TCF12: variants seen among roughly 807,000 people sequenced by gnomAD.
TCF12 encodes DNA-binding protein HTF4.
A neutral mutation model predicts 86.0 loss-of-function variants in TCF12; 45 were observed. The observed-to-expected ratio is 0.52, with a 90% CI of 0.41 to 0.67. The LOEUF (loss-of-function observed/expected upper bound fraction) is 0.67. TCF12 is among the 30% of genes least tolerant of loss of function. The pLI is 0.00. For missense variants in TCF12, 881 were observed against 859.9 expected (o/e 1.02, Z -0.31); for synonymous variants, 330 against 299.6 (o/e 1.10, Z -1.05).
At position 56,949,286 on chromosome 15, in the gene TCF12, A is replaced by C. The variant is rs186975270; in HGVS notation, c.148+28188A>C. On this transcript the variant is annotated intron_variant, in intron 3 of 20. Coordinates refer to ENST00000333725, the MANE Select transcript of TCF12 (RefSeq NM_207037.2). ...ATGTGCAGTTTTATCCCAGTAATTA[A>C]AAAAAGTTACCAAAAGCATGACAGT... is the stretch of plus-strand genomic sequence containing the variant. Among the ~76,000 whole-genome samples the C allele has an allele frequency of 2.0e-5, 3 of 152,348 alleles. No homozygotes were observed. The East Asian group carries it at 5.8e-4, about 29-fold the overall frequency.
At chr15:56,950,132 GTCC>G (rs2061199912) in intron 3 of TCF12, among the ~76,000 whole-genome samples, 1 of 152,094 alleles carries the variant, frequency 6.6e-6, no homozygotes, top group Non-Finnish European at 1.5e-5. Context: ...CCTCCTCTCT[GTCC>G]TCCTTCACAC....
intron 3 of TCF12, among the ~76,000 whole-genome samples, chr15:57,061,276 C>T (rs1375985395): frequency 2.0e-5 from 3 of 152,100 alleles, no homozygotes; most frequent in Non-Finnish European, 2.9e-5. Flanking sequence ...TTTCCTCTCT[C>T]TCTGTTTTTA....
intron 3 of TCF12, among the ~76,000 whole-genome samples, chr15:56,942,505 G>T (rs1485667020): frequency 1.3e-5 from 2 of 152,146 alleles, no homozygotes. Flanking sequence ...TGCCAGTTTG[G>T]AGTTTTTCAG....
chr15:57,140,349 G>A (rs545643036), intron 5 of TCF12, among the ~76,000 whole-genome samples: 73 of 152,294 alleles, frequency 4.8e-4, no homozygotes, highest in Admixed American at 5.9e-4. Context: ...TTCCATTTCT[G>A]TGAAGTACCT....
At chr15:57,000,850 T>A (rs1354420190) in intron 3 of TCF12, among the ~76,000 whole-genome samples, 1 of 152,070 alleles carries the variant, frequency 6.6e-6, no homozygotes, top group Admixed American at 6.6e-5. Context: ...CTCCTATTTC[T>A]TCATTTTAGT....
intron 5 of TCF12, among the ~76,000 whole-genome samples, chr15:57,142,288 T>C (rs1035122057): frequency 4.4e-4 from 57 of 128,784 alleles, no homozygotes; most frequent in African/African-American, 1.5e-3. Flanking sequence ...ATTATATCAG[T>C]ATTTACTCAC....
chr15:56,978,586 G>C (rs1418958497), intron 3 of TCF12, among the ~76,000 whole-genome samples: 1 of 152,172 alleles, frequency 6.6e-6, no homozygotes, highest in African/African-American at 2.4e-5. Flanking sequence ...TCCTCCAGGA[G>C]AGAATATTTT....
chr15:57,179,796 C>T (rs529604861), intron 6 of TCF12, among the ~76,000 whole-genome samples: 3 of 151,904 alleles, frequency 2.0e-5, no homozygotes, highest in Non-Finnish European at 2.9e-5. Flanking sequence ...CTGTTTCCCC[C>T]CTTCTTCCTC....
chr15:57,122,064 C>A (rs2051272790), intron 5 of TCF12, among the ~76,000 whole-genome samples: 1 of 143,308 alleles, frequency 7.0e-6, no homozygotes, highest in Non-Finnish European at 1.5e-5. Context: ...AATGTTTTCA[C>A]TTTTCCTGCT....
intron 3 of TCF12, among the ~76,000 whole-genome samples, chr15:56,984,014 A>AAAGAAG (rs1555465480): frequency 4.3e-4 from 45 of 104,372 alleles, no homozygotes; most frequent in African/African-American, 1.6e-3. Context: ...AAAAAAAAAA[A>AAAGAAG]AAGAAGAAGA....
At chr15:57,181,319 G>A (rs1232688754) in intron 6 of TCF12, among the ~76,000 whole-genome samples, 1 of 151,682 alleles carries the variant, frequency 6.6e-6, no homozygotes, top group African/African-American at 2.4e-5. Context: ...CAAACTCCGA[G>A]GCTTAAGCAG....
intron 5 of TCF12, among the ~76,000 whole-genome samples, chr15:57,153,170 A>G (rs1171761023): frequency 6.6e-6 from 1 of 152,250 alleles, no homozygotes; most frequent in East Asian, 1.9e-4. Flanking sequence ...GCAGACTACA[A>G]TAACTGCTGG....
intron 18 of TCF12, among the ~76,000 whole-genome samples, chr15:57,270,410 G>A (rs1037369764): frequency 6.6e-6 from 1 of 152,104 alleles, no homozygotes; most frequent in Non-Finnish European, 1.5e-5. Context: ...AGCTCCATCA[G>A]GTCATTTAAG....
At chr15:57,263,370 T>C in intron 18 of TCF12, 96 bp downstream of exon 18, 1 of 1,264,890 alleles carries the variant, frequency 7.9e-7, no homozygotes, top group South Asian at 1.3e-5. Context: ...CTGTCAGCTA[T>C]GTTCTAGATA....
At chr15:57,156,287 G>T (rs922375124) in intron 5 of TCF12, among the ~76,000 whole-genome samples, 1 of 152,082 alleles carries the variant, frequency 6.6e-6, no homozygotes, top group Admixed American at 6.6e-5. Context: ...AATTTCATGG[G>T]ACATTAAAAG....
At chr15:56,985,060 A>T (rs780380539) in intron 3 of TCF12, among the ~76,000 whole-genome samples, 3 of 152,222 alleles carry the variant, frequency 2.0e-5, no homozygotes, top group Non-Finnish European at 4.4e-5. Context: ...TGGAATGCAC[A>T]TAATTTCTTT....
At chr15:57,225,923 A>G (rs372200422) in intron 8 of TCF12, among the ~76,000 whole-genome samples, 3 of 151,674 alleles carry the variant, frequency 2.0e-5, no homozygotes, top group African/African-American at 7.3e-5. Flanking sequence ...GGTTAGTTAC[A>G]TATGTATACA....
At chr15:57,087,123 C>A (rs1236245740) in intron 4 of TCF12, among the ~76,000 whole-genome samples, 1 of 151,438 alleles carries the variant, frequency 6.6e-6, no homozygotes, top group Non-Finnish European at 1.5e-5. Context: ...CTCTCCCTAC[C>A]CCCCTGCTCA....
chr15:57,284,374 A>AT (rs1407692986), intron 20 of TCF12, among the ~76,000 whole-genome samples: 1 of 151,770 alleles, frequency 6.6e-6, no homozygotes, highest in Non-Finnish European at 1.5e-5. Flanking sequence ...CGCCCAGCTA[A>AT]TTTTTTTGTA....
Sources: gnomAD v4.1 joint callset for allele counts (sites outside exome capture counted in the v4.1 genomes callset) on GRCh38, gnomAD v4.1.1 for gene constraint, MANE v1.5 for transcripts, NCBI Gene and HGNC (gene_info 2026-07-23, HGNC 2026-07-21) for gene names.